RDX: variants seen among roughly 807,000 people sequenced by gnomAD.
The protein encoded by RDX is deafness, autosomal recessive 24.
RDX carries 32 observed loss-of-function variants against 83.7 expected under a neutral mutation model. The ratio of observed to expected loss-of-function variants is 0.38; its 90% CI spans 0.29 to 0.51. RDX has a LOEUF of 0.51. RDX is among the 20% of genes least tolerant of loss of function. The pLI is 0.87. For synonymous variants in RDX, 229 were observed against 222.7 expected, an observed-to-expected ratio of 1.03 and a Z score of -0.25; for missense variants, 600 against 689.9, an observed-to-expected ratio of 0.87 and a Z score of 1.46.
chr11:110,263,053 T>A (rs1859866202), intron 5 of RDX, among the ~76,000 whole-genome samples: 2 of 152,064 alleles, frequency 1.3e-5, no homozygotes, highest in Admixed American at 1.3e-4. Context: ...GGTGGGAGGA[T>A]CACTTGAGGT....
intron 3 of RDX, among the ~76,000 whole-genome samples, chr11:110,269,563 A>C (rs1860210067): frequency 3.3e-5 from 5 of 152,176 alleles, no homozygotes; most frequent in Admixed American, 3.3e-4. Context: ...CCCTGGCTTG[A>C]CCTGAACCTG....
intron 1 of RDX, chr11:110,288,360 C>T (rs138192130): frequency 6.7e-4 from 102 of 152,256 alleles, no homozygotes; most frequent in African/African-American, 2.3e-3. Flanking sequence ...CAAAATAATA[C>T]ACTATCATTT....
intron 3 of RDX, 30 bp from the exon 4 acceptor site, chr11:110,264,904 A>G (rs1859963262): frequency 6.6e-7 from 1 of 1,524,192 alleles, no homozygotes; most frequent in Non-Finnish European, 9.1e-7. Context: ...AAAAAACACA[A>G]TTTCAGTCCA....
chr11:110,259,685 G>C (rs1198073147), intron 5 of RDX, among the ~76,000 whole-genome samples: 1 of 152,096 alleles, frequency 6.6e-6, no homozygotes, highest in Non-Finnish European at 1.5e-5. Flanking sequence ...CTTTCTTGCT[G>C]TCTGGCCTCT....
intron 1 of RDX, among the ~76,000 whole-genome samples, chr11:110,284,015 C>A (rs1438942032): frequency 6.6e-6 from 1 of 152,062 alleles, no homozygotes; most frequent in African/African-American, 2.4e-5. Flanking sequence ...AAAAAACACA[C>A]AAATGTTCTA....
intron 14 of RDX, among the ~76,000 whole-genome samples, chr11:110,220,020 A>T (rs1490549565): frequency 6.6e-6 from 1 of 152,156 alleles, no homozygotes; most frequent in African/African-American, 2.4e-5. Flanking sequence ...AACACATATA[A>T]ATTATGTATT....
At chr11:110,177,188 G>T (rs1030494760) in intron 15 of RDX, among the ~76,000 whole-genome samples, 3 of 152,224 alleles carry the variant, frequency 2.0e-5, no homozygotes, top group South Asian at 2.1e-4. Context: ...ACCTCCACCC[G>T]GGGACAGGAA....
intron 10 of RDX, among the ~76,000 whole-genome samples, chr11:110,245,122 T>C (rs1859045139): frequency 6.6e-6 from 1 of 152,022 alleles, no homozygotes; most frequent in Non-Finnish European, 1.5e-5. Flanking sequence ...CTGCTAATTT[T>C]GTAATTTTGG....
Position 110,194,826 on chromosome 11 carries a change from G to A in RDX, c.*31+4755C>T, listed in dbSNP as rs563557717. Among the ~76,000 whole-genome samples the A allele has an allele frequency of 2.6e-4, 40 of 152,294 alleles. No homozygotes were observed. In the South Asian group the frequency reaches 8.1e-3, roughly 31 times the overall value. On this transcript the variant is annotated intron_variant, in intron 15 of 15. Coordinates refer to the RDX transcript ENST00000528498. ...CTTAATATCCTTGAAAAACATCAGT[G>A]ACAGATGGAAAATCCTATGTCATGT...
chr11:110,179,459 C>A (rs538199617), intron 15 of RDX, among the ~76,000 whole-genome samples: 2 of 152,180 alleles, frequency 1.3e-5, no homozygotes, highest in South Asian at 4.1e-4. Context: ...CCTGCCTCCA[C>A]AGAGTAATCA....
At chr11:110,184,247 G>A (rs147854560) in intron 15 of RDX, among the ~76,000 whole-genome samples, 10 of 152,320 alleles carry the variant, frequency 6.6e-5, no homozygotes, top group African/African-American at 2.4e-4. Context: ...CATCCCCCTT[G>A]TAGCCAAGAG....
At chr11:110,227,954 G>A (rs1474029453), downstream of RDX, among the ~76,000 whole-genome samples, 1 of 151,966 alleles carries the variant, frequency 6.6e-6, no homozygotes. Context: ...AGAGGTTAAG[G>A]GAAATCAAAG....
intron 14 of RDX, among the ~76,000 whole-genome samples, chr11:110,203,415 A>C (rs993730482): frequency 1.1e-4 from 5 of 44,890 alleles, no homozygotes; most frequent in African/African-American, 5.4e-4. Context: ...TTAATGGGTA[A>C]AAAAAAAAAA....
intron 1 of RDX, among the ~76,000 whole-genome samples, chr11:110,296,245 G>T (rs528858017): frequency 2.6e-5 from 4 of 152,008 alleles, no homozygotes; most frequent in Non-Finnish European, 5.9e-5. Flanking sequence ...GCCACGACTC[G>T]GGCAGGGCCT....
intron 11 of RDX, among the ~76,000 whole-genome samples, chr11:110,237,050 G>T (rs1216274092): frequency 1.3e-5 from 2 of 151,488 alleles, no homozygotes; most frequent in South Asian, 2.1e-4. Context: ...CTAATTATTT[G>T]CAAGTCCACT....
rs776729174 is a variant in RDX, at chr11:110,237,510, C to T, written c.1233G>A (p.Met411Ile). Residue 411 changes from methionine (M) to isoleucine (I), a missense_variant, in exon 11 of 14, where the codon ATG becomes ATA. Met to Ile is a conservative substitution (Grantham distance 10). Coordinates refer to ENST00000645495, the MANE Select transcript of RDX (RefSeq NM_002906.4). Reference protein sequence around the residue: ...SAIAKQAADQMKNQEQLAAEL... With the variant: ...SAIAKQAADQIKNQEQLAAEL... ...TCCTTACTAGCTGCTCCTGATTCTT[C>T]ATCTGGTCGGCAGCTTGTTTTGCTA... is the stretch of plus-strand genomic sequence containing the variant. 78 of 1,612,626 alleles carry T rather than the reference C, an allele frequency of 4.8e-5. No individual in the cohort carries two copies. Among genetic ancestry groups the T allele is most frequent in the Non-Finnish European group, 6.5e-5 (77 of 1,179,996 alleles).
At chr11:110,283,303 G>T (rs1860840614) in intron 1 of RDX, among the ~76,000 whole-genome samples, 1 of 152,036 alleles carries the variant, frequency 6.6e-6, no homozygotes, top group Admixed American at 6.6e-5. Flanking sequence ...ACAGGCGTCT[G>T]CCACCATGTC....
At chr11:110,241,080 C>CG (rs1252077221) in intron 10 of RDX, among the ~76,000 whole-genome samples, 8 of 134,486 alleles carry the variant, frequency 5.9e-5, no homozygotes, top group South Asian at 2.4e-4. Context: ...AAAAAAGGGG[C>CG]GGGGGGGCAA....
intron 2 of RDX, among the ~76,000 whole-genome samples, chr11:110,274,690 T>C (rs956684952): frequency 1.3e-5 from 2 of 152,168 alleles, no homozygotes; most frequent in Admixed American, 6.5e-5. Flanking sequence ...TTCAATAAAT[T>C]CTTTAAAATT....
Sources: allele counts gnomAD v4.1 joint callset (sites outside exome capture counted in the v4.1 genomes callset), GRCh38; gene constraint gnomAD v4.1.1; transcripts MANE v1.5; gene names NCBI Gene and HGNC (gene_info 2026-07-23, HGNC 2026-07-21).